Variants in GABRG3 observed in about 807,000 individuals in gnomAD.
GABRG3 encodes gamma-aminobutyric acid receptor subunit gamma-3.
A neutral mutation model predicts 48.8 loss-of-function variants in GABRG3; 25 were observed. That is an observed-to-expected ratio of 0.51 (90% CI 0.37 to 0.72). GABRG3 has a LOEUF of 0.72. Ranked by LOEUF, GABRG3 falls within the 30% of genes least tolerant of loss-of-function variation. The pLI, the probability that GABRG3 is intolerant of heterozygous loss-of-function variation, is 0.00. For missense variants in GABRG3, 394 were observed against 577.9 expected, an observed-to-expected ratio of 0.68 and a Z score of 3.26; for synonymous variants, 227 against 217.6, an observed-to-expected ratio of 1.04 and a Z score of -0.38.
rs200538370 is a variant in GABRG3, at chr15:27,155,346, C to T, written c.270+128525C>T. Among the ~76,000 whole-genome samples the T allele has an allele frequency of 5.9e-5, 9 of 152,122 alleles. No individual in the cohort carries two copies. The East Asian group carries it at 1.5e-3, about 26-fold the overall frequency. Reference sequence around the variant, plus strand: ...GCTTGTTGAAACATTTTTGTGATGGCTGCTTTTATCTTTTATTATTTTTTA... The same window carrying T: ...GCTTGTTGAAACATTTTTGTGATGGTTGCTTTTATCTTTTATTATTTTTTA... On this transcript the variant is annotated intron_variant, in intron 3 of 9. Transcript: ENST00000615808.
rs1313799577 is a variant in GABRG3, at chr15:27,328,795, CT to C, written c.492-6del. The C allele has an allele frequency of 5.6e-6, 9 of 1,613,582 alleles. No individual in the cohort carries two copies. The Middle Eastern group carries it at 1.3e-3, about 237-fold the overall frequency. The stretch of plus-strand genomic sequence containing the variant: ...TGTGCTGAGCTAGACTGACACTTGG[CT>C]TTTTCGCAGGCTCACCATCAATGCT... On this transcript the variant is annotated splice_polypyrimidine_tract_variant and intron_variant, in intron 4 of 9. Coordinates refer to ENST00000615808, the MANE Select transcript of GABRG3 (RefSeq NM_033223.5).
intron 3 of GABRG3, among the ~76,000 whole-genome samples, chr15:27,153,615 A>C (rs1433800882): frequency 6.6e-6 from 1 of 152,182 alleles, no homozygotes; most frequent in Non-Finnish European, 1.5e-5. Context: ...ATGAACATGG[A>C]ATATCTTTTT....
At chr15:27,182,809 G>A (rs182724807) in intron 3 of GABRG3, among the ~76,000 whole-genome samples, 63 of 152,280 alleles carry the variant, frequency 4.1e-4, no homozygotes, top group Non-Finnish European at 8.1e-4. Context: ...GAGGCTCAAT[G>A]ACCTAATGAA....
chr15:27,133,721 T>G (rs1301404793), intron 3 of GABRG3, among the ~76,000 whole-genome samples: 2 of 152,230 alleles, frequency 1.3e-5, no homozygotes, highest in African/African-American at 4.8e-5. Context: ...TGTGACAAGT[T>G]AATTGAATTT....
At chr15:27,197,327 C>T (rs925642462) in intron 3 of GABRG3, among the ~76,000 whole-genome samples, 11 of 152,072 alleles carry the variant, frequency 7.2e-5, no homozygotes, top group African/African-American at 1.7e-4. Context: ...CGCTTCTGCC[C>T]CAAACAGCTT....
chr15:27,390,481 A>G (rs1896186715), intron 5 of GABRG3, among the ~76,000 whole-genome samples: 1 of 152,166 alleles, frequency 6.6e-6, no homozygotes, highest in Admixed American at 6.5e-5. Flanking sequence ...ACAGCCTAGC[A>G]CTCCTCAGTG....
chr15:27,222,780 C>T (rs751613114), intron 3 of GABRG3, among the ~76,000 whole-genome samples: 1 of 152,172 alleles, frequency 6.6e-6, no homozygotes, highest in Non-Finnish European at 1.5e-5. Context: ...ATGGCGACTG[C>T]AGTGTTCCCG....
chr15:27,213,644 G>C (rs1017557292), intron 3 of GABRG3, among the ~76,000 whole-genome samples: 2 of 152,170 alleles, frequency 1.3e-5, no homozygotes, highest in African/African-American at 4.8e-5. Flanking sequence ...CTTGTGCAGG[G>C]GCTCATCCAA....
At chr15:27,017,297 G>T (rs4887544) in intron 2 of GABRG3, among the ~76,000 whole-genome samples, 1 of 151,846 alleles carries the variant, frequency 6.6e-6, no homozygotes, top group Non-Finnish European at 1.5e-5. Flanking sequence ...TCGAAGAACC[G>T]CAATTACTTT....
At chr15:27,156,728 G>T (rs759878210) in intron 3 of GABRG3, among the ~76,000 whole-genome samples, 1 of 152,132 alleles carries the variant, frequency 6.6e-6, no homozygotes, top group Admixed American at 6.5e-5. Context: ...TTTGATTTTG[G>T]TTGAAGATGA....
intron 6 of GABRG3, among the ~76,000 whole-genome samples, chr15:27,501,258 T>C (rs1027675755): frequency 2.0e-5 from 3 of 152,060 alleles, no homozygotes; most frequent in Non-Finnish European, 2.9e-5. Context: ...GCCAAAGTAA[T>C]GTATGTTTCT....
chr15:27,202,952 C>T (rs932559280), intron 3 of GABRG3, among the ~76,000 whole-genome samples: 7 of 152,146 alleles, frequency 4.6e-5, no homozygotes, highest in South Asian at 2.1e-4. Flanking sequence ...CCTCTCCTAA[C>T]GGTTACACAG....
intron 2 of GABRG3, among the ~76,000 whole-genome samples, chr15:26,983,236 T>TC (rs1566899961): frequency 1.3e-5 from 2 of 151,982 alleles, no homozygotes; most frequent in Admixed American, 6.6e-5. Flanking sequence ...AGTGAACTTA[T>TC]ATGTACATAA....
At chr15:27,077,157 T>C (rs1896923512) in intron 3 of GABRG3, among the ~76,000 whole-genome samples, 1 of 152,176 alleles carries the variant, frequency 6.6e-6, no homozygotes, top group Non-Finnish European at 1.5e-5. Context: ...AGTCTTAGCA[T>C]GACAGTGGCT....
chr15:27,457,337 C>G lies in GABRG3; in HGVS notation c.575-23313C>G, dbSNP rs1006731357. Among the ~76,000 whole-genome samples the G allele has an allele frequency of 3.3e-5, 5 of 152,196 alleles. No homozygotes were observed. The highest frequency in any genetic ancestry group is 1.2e-4 in the African/African-American group (5 of 41,446). On this transcript the variant is annotated intron_variant, in intron 5 of 9. Transcript: ENST00000615808. This position sits in a 1 kb window ranked among gnomAD's most constrained non-coding sequence, Gnocchi z 4.4. ...GATATTTGGACTAAGTCCTTGCTAGCATTTGACGTTTTGTTTTTTGCGTTT... is the reference window on the plus strand; with the variant it reads ...GATATTTGGACTAAGTCCTTGCTAGGATTTGACGTTTTGTTTTTTGCGTTT...
intron 3 of GABRG3, among the ~76,000 whole-genome samples, chr15:27,042,329 G>A (rs1311786322): frequency 6.6e-6 from 1 of 152,220 alleles, no homozygotes. Context: ...GGCGGAGGGA[G>A]CTGGGGCCTC....
At chr15:27,239,169 A>C (rs1382428937) in intron 3 of GABRG3, among the ~76,000 whole-genome samples, 5 of 152,322 alleles carry the variant, frequency 3.3e-5, no homozygotes, top group Admixed American at 2.6e-4. Context: ...AAGATGAAGG[A>C]AAGGGTGACA....
chr15:26,977,055 G>A lies in GABRG3; in HGVS notation c.107G>A (p.Trp36Ter). 6.2e-7 allele frequency: 1 copy of A among 1,613,920 alleles called. No homozygotes were observed. Among genetic ancestry groups the A allele is most frequent in the Non-Finnish European group, 8.5e-7 (1 of 1,179,850 alleles). The change falls in exon 2 of 10, where the codon TGG becomes TAG. Residue 36 changes from tryptophan (W) to a stop codon, truncating the protein, a stop_gained. Transcript: ENST00000615808. LOFTEE classifies it high-confidence loss of function. ...EYEDSSSNQK[W>*]VLAPKSQDTD... is the part of the protein sequence containing the mutation. ...GAAGATTCATCATCAAACCAAAAGT[G>A]GGTCTTGGCTCCAAAATCCCAAGAC...
chr15:27,536,929 A>G lies in GABRG3; in HGVS notation c.*4048A>G, dbSNP rs1009596576. 2.0e-5 allele frequency: 3 copies of G among 152,144 alleles called. No homozygotes were observed. Among genetic ancestry groups the G allele is most frequent in the Non-Finnish European group, 2.9e-5 (2 of 68,024 alleles). The allele number at this position is 152,144 out of a possible 1,614,324, so 9.4% of individuals were successfully genotyped here. ...ATTTTTATCTCAGCTGCCAAAATGG[A>G]AATTTTCTGTGATTTCCTTTGAGAC... is the stretch of plus-strand genomic sequence containing the variant. On this transcript the variant is annotated 3_prime_UTR_variant, in exon 10 of 10. Coordinates refer to ENST00000615808, the MANE Select transcript of GABRG3 (RefSeq NM_033223.5).
Sources: allele counts gnomAD v4.1 joint callset (sites outside exome capture counted in the v4.1 genomes callset), GRCh38; gene constraint gnomAD v4.1.1; non-coding constraint Gnocchi (gnomAD v3.1); transcripts MANE v1.5; gene names NCBI Gene and HGNC (gene_info 2026-07-23, HGNC 2026-07-21).